The following NUDCD3 variants were observed in gnomAD, a reference collection of about 807,000 sequenced individuals.
NUDCD3 encodes the protein NudC domain containing 3, also known as nudC domain-containing protein 3.
A neutral mutation model predicts 39.7 loss-of-function variants in NUDCD3; 13 were observed. The ratio of observed to expected loss-of-function variants is 0.33; its 90% CI spans 0.21 to 0.52. The LOEUF (loss-of-function observed/expected upper bound fraction) is 0.52, where lower values mean the gene tolerates loss of function less well. Ranked by LOEUF, NUDCD3 falls within the 20% of genes least tolerant of loss-of-function variation. NUDCD3 has a pLI of 0.96. For missense variants in NUDCD3, 453 were observed against 458.1 expected (o/e 0.99, Z 0.10); for synonymous variants, 175 against 172.4 (o/e 1.02, Z -0.12).
chr7:44,472,299 C>A (rs1474020951), intron 2 of NUDCD3, among the ~76,000 whole-genome samples: 1 of 152,092 alleles, frequency 6.6e-6, no homozygotes. Context: ...CCTAGAAAAT[C>A]CAAGAAAATC....
chr7:44,430,301 C>A (rs899049516), intron 2 of NUDCD3, among the ~76,000 whole-genome samples: 4 of 152,182 alleles, frequency 2.6e-5, no homozygotes, highest in African/African-American at 9.7e-5. Flanking sequence ...ACGAAGGAGT[C>A]AGACACAGAG....
chr7:44,392,501 ACAGAGACCTGAGT>A lies in NUDCD3; in HGVS notation c.787-29_787-17del, dbSNP rs776484635. On this transcript the variant is annotated splice_polypyrimidine_tract_variant and intron_variant, in intron 4 of 5. Coordinates refer to ENST00000355451, the MANE Select transcript of NUDCD3 (RefSeq NM_015332.4). ...TCAGGTTCACCTGGGGACAAGCAGG[ACAGAGACCTGAGT>A]CAGAGACCTGAGACAGGTGTCCAGG... 1.7e-5 allele frequency: 27 copies of A among 1,611,950 alleles called. No individual in the cohort carries two copies. The highest frequency in any genetic ancestry group is 2.7e-5 in the African/African-American group (2 of 74,932).
intron 2 of NUDCD3, among the ~76,000 whole-genome samples, chr7:44,469,171 G>A (rs1800200648): frequency 7.0e-6 from 1 of 142,860 alleles, no homozygotes; most frequent in Admixed American, 7.1e-5. Context: ...TGAGTCAGCA[G>A]GTAAGGAAGA....
At chr7:44,478,493 C>T (rs1377054692) in intron 2 of NUDCD3, among the ~76,000 whole-genome samples, 1 of 152,166 alleles carries the variant, frequency 6.6e-6, no homozygotes, top group African/African-American at 2.4e-5. Flanking sequence ...GTGGAAGTTG[C>T]AGTAAGCCGA....
chr7:44,460,946 T>A (rs1378614046), intron 2 of NUDCD3, among the ~76,000 whole-genome samples: 1 of 152,228 alleles, frequency 6.6e-6, no homozygotes, highest in African/African-American at 2.4e-5. Flanking sequence ...TCATTATTTT[T>A]AAAAATGTAT....
chr7:44,390,517 TG>T (rs1302485933), intron 5 of NUDCD3, among the ~76,000 whole-genome samples: 1 of 151,422 alleles, frequency 6.6e-6, no homozygotes, highest in East Asian at 1.9e-4. Context: ...AGAAACCACC[TG>T]ACCTTAGTCC....
intron 2 of NUDCD3, among the ~76,000 whole-genome samples, chr7:44,459,868 C>G (rs1326703714): frequency 2.0e-5 from 3 of 152,118 alleles, no homozygotes; most frequent in African/African-American, 7.2e-5. Context: ...GAAAATTTAA[C>G]GAGAACAAAA....
chr7:44,401,052 T>G (rs928986216), intron 4 of NUDCD3, among the ~76,000 whole-genome samples: 1 of 152,184 alleles, frequency 6.6e-6, no homozygotes, highest in African/African-American at 2.4e-5. Context: ...ACTACAGTGC[T>G]CAACCTTGTT....
chr7:44,434,328 C>T (rs1446510965), intron 2 of NUDCD3, among the ~76,000 whole-genome samples: 1 of 152,154 alleles, frequency 6.6e-6, no homozygotes, highest in Non-Finnish European at 1.5e-5. Flanking sequence ...AACCTTTTCA[C>T]TTACAAAGGG....
intron 2 of NUDCD3, among the ~76,000 whole-genome samples, chr7:44,462,668 A>G (rs1013319959): frequency 6.6e-6 from 1 of 152,204 alleles, no homozygotes; most frequent in African/African-American, 2.4e-5. Flanking sequence ...GGGGCAGTCA[A>G]TGGGCACTGT....
chr7:44,412,463 T>C (rs1056959746), intron 3 of NUDCD3, among the ~76,000 whole-genome samples: 1 of 152,224 alleles, frequency 6.6e-6, no homozygotes, highest in South Asian at 2.1e-4. Flanking sequence ...ACATTTGCAT[T>C]TTAGAACGCC....
intron 3 of NUDCD3, among the ~76,000 whole-genome samples, chr7:44,409,470 A>G (rs974408109): frequency 6.6e-6 from 1 of 152,168 alleles, no homozygotes; most frequent in Non-Finnish European, 1.5e-5. Flanking sequence ...AAGAACAACT[A>G]TATCACGTAC....
At chr7:44,445,437 G>A (rs1485734544) in intron 2 of NUDCD3, among the ~76,000 whole-genome samples, 1 of 152,174 alleles carries the variant, frequency 6.6e-6, no homozygotes, top group Non-Finnish European at 1.5e-5. Flanking sequence ...AGGAACACAG[G>A]AATATCAGCA....
Position 44,407,506 on chromosome 7 carries a change from G to A in NUDCD3, c.643-2923C>T, listed in dbSNP as rs567344460. Among the ~76,000 whole-genome samples, 5 of 150,416 alleles carry A rather than the reference G, an allele frequency of 3.3e-5. No homozygotes were observed. In the South Asian group the frequency reaches 6.4e-4, roughly 19 times the overall value. On this transcript the variant is annotated intron_variant, in intron 3 of 5. Coordinates refer to ENST00000355451, the MANE Select transcript of NUDCD3 (RefSeq NM_015332.4). Reference sequence around the variant, plus strand: ...CTTGAACCTGGGAGGCAGAGGTTGCGGTGAGCCGAGACTGCACCATTGCAA... The same window carrying A: ...CTTGAACCTGGGAGGCAGAGGTTGCAGTGAGCCGAGACTGCACCATTGCAA...
At chr7:44,435,698 C>A (rs988536045) in intron 2 of NUDCD3, among the ~76,000 whole-genome samples, 1 of 152,214 alleles carries the variant, frequency 6.6e-6, no homozygotes, top group African/African-American at 2.4e-5. Flanking sequence ...ATGAGTCTGG[C>A]AACTTTCATT....
At position 44,456,406 on chromosome 7, in the gene NUDCD3, T is replaced by A. The variant is rs114108564; in HGVS notation, c.509+28562A>T. ...GGCCGAGCAAGTACCAGCACAAGGT[T>A]AAACTCGAGCAAACTCCTTGTTCTA... On this transcript the variant is annotated intron_variant, in intron 2 of 5. Coordinates refer to ENST00000355451, the MANE Select transcript of NUDCD3 (RefSeq NM_015332.4). 3.6e-3 allele frequency among the ~76,000 whole-genome samples: 548 copies of A among 152,292 alleles called. 3 individuals carry two copies. Among genetic ancestry groups the A allele is most frequent in the African/African-American group, 0.013 (524 of 41,548 alleles).
intron 2 of NUDCD3, among the ~76,000 whole-genome samples, chr7:44,457,834 A>T (rs1799934359): frequency 6.6e-6 from 1 of 152,250 alleles, no homozygotes; most frequent in South Asian, 2.1e-4. Context: ...CAAAAAAAAT[A>T]GATAAGTTTT....
intron 2 of NUDCD3, among the ~76,000 whole-genome samples, chr7:44,478,789 A>G (rs1445938268): frequency 1.3e-5 from 2 of 152,212 alleles, no homozygotes; most frequent in African/African-American, 4.8e-5. Context: ...TTATGTATAA[A>G]TAACAATGTA....
intron 2 of NUDCD3, among the ~76,000 whole-genome samples, chr7:44,460,750 G>A (rs1310380830): frequency 6.6e-6 from 1 of 152,104 alleles, no homozygotes; most frequent in East Asian, 1.9e-4. Flanking sequence ...AATTTGGGGG[G>A]AAAGAAAGAG....
Sources: gnomAD v4.1 joint callset for allele counts (sites outside exome capture counted in the v4.1 genomes callset) on GRCh38, gnomAD v4.1.1 for gene constraint, MANE v1.5 for transcripts, NCBI Gene and HGNC (gene_info 2026-07-23, HGNC 2026-07-21) for gene names.